Variants in ACER3 observed in about 807,000 individuals in gnomAD.
ACER3 encodes the protein alkCDase 3.
A neutral mutation model predicts 48.9 loss-of-function variants in ACER3; 16 were observed. The ratio of observed to expected loss-of-function variants is 0.33; its 90% CI spans 0.22 to 0.50. ACER3 has a LOEUF of 0.50. ACER3 is among the 20% of genes least tolerant of loss of function. The pLI is 0.98. For synonymous variants in ACER3, 109 were observed against 107.8 expected (o/e 1.01, Z -0.07); for missense variants, 227 against 326.0 (o/e 0.70, Z 2.34).
chr11:76,997,879 T>C (rs1456253668), intron 6 of ACER3, among the ~76,000 whole-genome samples: 1 of 152,146 alleles, frequency 6.6e-6, no homozygotes, highest in African/African-American at 2.4e-5. Context: ...AAAATTCTAT[T>C]ATAACTCAAA....
At chr11:76,988,043 G>C (rs1948720102) in intron 5 of ACER3, among the ~76,000 whole-genome samples, 1 of 152,220 alleles carries the variant, frequency 6.6e-6, no homozygotes, top group African/African-American at 2.4e-5. Flanking sequence ...AGTAATTAGG[G>C]ATGTAAGAAA....
intron 2 of ACER3, among the ~76,000 whole-genome samples, chr11:76,940,670 A>G (rs143040326): frequency 9.2e-5 from 14 of 152,266 alleles, no homozygotes; most frequent in Non-Finnish European, 1.8e-4. Context: ...GTGGTAAATG[A>G]CTTCTTCCTC....
chr11:77,002,228 A>G (rs1229751862), intron 7 of ACER3, among the ~76,000 whole-genome samples: 1 of 152,230 alleles, frequency 6.6e-6, no homozygotes, highest in Non-Finnish European at 1.5e-5. Flanking sequence ...GAAACACACT[A>G]TATCCTCTAT....
Position 76,860,936 on chromosome 11 carries a change from C to G in ACER3, c.-41C>G, listed in dbSNP as rs778445091. 6.9e-7 allele frequency: 1 copy of G among 1,447,900 alleles called. No homozygotes were observed. Among genetic ancestry groups the G allele is most frequent in the South Asian group, 1.3e-5 (1 of 79,652 alleles). The allele number at this position is 1,447,900 out of a possible 1,614,324, so 89.7% of individuals were successfully genotyped here. On this transcript the variant is annotated 5_prime_UTR_variant, in exon 1 of 11. Transcript: ENST00000532485. ...CGGCCTGGTCGCCAGCCTAACCCGG[C>G]ACAGTGAGCGGAGCGCCTGGGCGGC...
chr11:76,890,415 C>T (rs1265782655), intron 1 of ACER3, among the ~76,000 whole-genome samples: 1 of 152,154 alleles, frequency 6.6e-6, no homozygotes, highest in African/African-American at 2.4e-5. Context: ...TGAGGAATTG[C>T]TTGGCATATT....
intron 6 of ACER3, among the ~76,000 whole-genome samples, chr11:76,995,302 T>C (rs536898682): frequency 6.6e-6 from 1 of 152,288 alleles, no homozygotes; most frequent in South Asian, 2.1e-4. Flanking sequence ...AGGATACTAG[T>C]ACCCCAGCTA....
intron 3 of ACER3, among the ~76,000 whole-genome samples, chr11:76,974,292 A>G (rs987821381): frequency 2.6e-5 from 4 of 152,336 alleles, no homozygotes; most frequent in South Asian, 2.1e-4. Context: ...CTGCTGTTCT[A>G]TATCTTCTTA....
intron 3 of ACER3, among the ~76,000 whole-genome samples, chr11:76,967,097 T>C (rs1265992152): frequency 1.3e-5 from 2 of 151,976 alleles, no homozygotes. Context: ...AAGAATCAAA[T>C]AGACACAATC....
chr11:76,943,764 A>G (rs1947403538), intron 2 of ACER3, among the ~76,000 whole-genome samples: 1 of 145,816 alleles, frequency 6.9e-6, no homozygotes, highest in South Asian at 2.3e-4. Flanking sequence ...CCCCCCCACT[A>G]TTATCATATT....
chr11:76,983,998 C>T (rs1002063468), intron 4 of ACER3, among the ~76,000 whole-genome samples: 2 of 151,972 alleles, frequency 1.3e-5, no homozygotes, highest in Non-Finnish European at 2.9e-5. Flanking sequence ...CTGTGTTGGC[C>T]AGACTGGTCT....
At chr11:76,950,976 T>C (rs888356288) in intron 2 of ACER3, among the ~76,000 whole-genome samples, 2 of 152,228 alleles carry the variant, frequency 1.3e-5, no homozygotes, top group Admixed American at 1.3e-4. Flanking sequence ...TCTAAATATG[T>C]GCCTTATACT....
rs1453791232 is a variant in ACER3 at position 77,014,996 on chromosome 11, T to C, written c.498-20T>C. The stretch of plus-strand genomic sequence containing the variant: ...GACTTGAGAAAATTTTATTTTGCTT[T>C]TCTGTTTTCCCCCCCACAGGGTTTA... On this transcript the variant is annotated intron_variant, in intron 7 of 10. Transcript: ENST00000532485. 6.9e-7 allele frequency: 1 copy of C among 1,442,574 alleles called. No individual in the cohort carries two copies. The highest frequency in any genetic ancestry group is 1.7e-5 in the Admixed American group (1 of 57,744). The allele number at this position is 1,442,574 out of a possible 1,614,324, so 89.4% of individuals were successfully genotyped here.
At chr11:76,895,429 G>A (rs1945904210) in intron 1 of ACER3, among the ~76,000 whole-genome samples, 2 of 152,150 alleles carry the variant, frequency 1.3e-5, no homozygotes, top group Admixed American at 6.5e-5. Context: ...AGGGCCACGA[G>A]CAGAAGGAAA....
At chr11:76,886,501 T>G (rs577009633) in intron 1 of ACER3, among the ~76,000 whole-genome samples, 1 of 152,342 alleles carries the variant, frequency 6.6e-6, no homozygotes, top group South Asian at 2.1e-4. Flanking sequence ...GTTAGCATGT[T>G]ACAATTATAT....
chr11:76,893,333 C>G (rs931395770), intron 1 of ACER3, among the ~76,000 whole-genome samples: 3 of 151,946 alleles, frequency 2.0e-5, no homozygotes, highest in Non-Finnish European at 4.4e-5. Context: ...TCACGCCACT[C>G]TACTCCAGCC....
intron 1 of ACER3, among the ~76,000 whole-genome samples, chr11:76,897,366 T>C (rs919414629): frequency 6.6e-6 from 1 of 152,242 alleles, no homozygotes; most frequent in African/African-American, 2.4e-5. Flanking sequence ...ATGTGGAATC[T>C]GAGATCATAT....
intron 9 of ACER3, among the ~76,000 whole-genome samples, chr11:77,018,309 C>T (rs964505516): frequency 2.2e-4 from 33 of 152,148 alleles, no homozygotes; most frequent in Admixed American, 8.5e-4. Flanking sequence ...ACATAGAAGA[C>T]GGTGAACTTA....
intron 2 of ACER3, among the ~76,000 whole-genome samples, chr11:76,957,963 T>C (rs1947886239): frequency 6.6e-6 from 1 of 151,770 alleles, no homozygotes; most frequent in Middle Eastern, 3.2e-3. Context: ...TTATTATTAT[T>C]ATCTTATGTA....
intron 2 of ACER3, among the ~76,000 whole-genome samples, chr11:76,943,594 A>G (rs190108885): frequency 5.9e-5 from 9 of 152,150 alleles, no homozygotes; most frequent in Non-Finnish European, 1.3e-4. Flanking sequence ...TATCTTATAC[A>G]GTGTTCCATG....
Sources: allele counts gnomAD v4.1 joint callset (sites outside exome capture counted in the v4.1 genomes callset), GRCh38; gene constraint gnomAD v4.1.1; transcripts MANE v1.5; gene names NCBI Gene and HGNC (gene_info 2026-07-23, HGNC 2026-07-21).